PPP6R2: variants seen among roughly 807,000 people sequenced by gnomAD.
PPP6R2 encodes serine/threonine-protein phosphatase 6 regulatory subunit 2.
PPP6R2 carries 62 observed loss-of-function variants against 100.2 expected under a neutral mutation model. That is an observed-to-expected ratio of 0.62 (90% CI 0.50 to 0.76). PPP6R2 has a LOEUF of 0.76. PPP6R2 is among the 30% of genes least tolerant of loss of function. The pLI, the probability that PPP6R2 is intolerant of heterozygous loss-of-function variation, is 0.00. For synonymous variants in PPP6R2, 525 were observed against 514.7 expected (o/e 1.02, Z -0.27); for missense variants, 1,142 against 1,276.3 (o/e 0.89, Z 1.60).
chr22:50,381,108 T>A (rs2052816139), intron 2 of PPP6R2, among the ~76,000 whole-genome samples: 1 of 140,622 alleles, frequency 7.1e-6, no homozygotes, highest in African/African-American at 2.8e-5. Flanking sequence ...GAATGAAACT[T>A]TGTCTCAAAA....
intron 1 of PPP6R2, among the ~76,000 whole-genome samples, chr22:50,350,735 C>T (rs2044897916): frequency 6.6e-6 from 1 of 151,080 alleles, no homozygotes; most frequent in African/African-American, 2.4e-5. Flanking sequence ...GTCTCAGCTA[C>T]TTGGGAGGCT....
chr22:50,424,449 AACGTCTGTCAGCGTGTGGAAG>A (rs2061769172), intron 10 of PPP6R2, among the ~76,000 whole-genome samples: 1 of 97,608 alleles, frequency 1.0e-5, no homozygotes, highest in Non-Finnish European at 2.1e-5. Flanking sequence ...CCGCGTGTGG[AACGTCTGTCAGCGTGTGGAAG>A]GTCCGTCCGC....
chr22:50,362,319 G>A (rs1602322103), intron 1 of PPP6R2, among the ~76,000 whole-genome samples: 1 of 152,224 alleles, frequency 6.6e-6, no homozygotes. Context: ...TGAGCCTGGC[G>A]TGGGCCTGAC....
chr22:50,396,915 C>A (rs1457668058), intron 3 of PPP6R2, among the ~76,000 whole-genome samples: 1 of 152,164 alleles, frequency 6.6e-6, no homozygotes, highest in African/African-American at 2.4e-5. Context: ...GTCACACCTG[C>A]TGTGTCAGCA....
At chr22:50,440,191 A>G in intron 21 of PPP6R2, 142 bp downstream of exon 21, 1 of 791,832 alleles carries the variant, frequency 1.3e-6, no homozygotes, top group Non-Finnish European at 2.0e-6. Flanking sequence ...GGGGTTTGAT[A>G]CAGCAATGGG....
At chr22:50,396,162 C>T (rs1287665438) in intron 3 of PPP6R2, among the ~76,000 whole-genome samples, 2 of 147,004 alleles carry the variant, frequency 1.4e-5, no homozygotes, top group African/African-American at 5.1e-5. Flanking sequence ...CGCCATTGCA[C>T]TCCAGCCTGG....
At chr22:50,333,482 G>A in the PPP6R2 span, among the ~76,000 whole-genome samples, 30 of 151,934 alleles carry the variant, frequency 2.0e-4, no homozygotes, top group African/African-American at 4.3e-4. Context: ...GACTACAGGC[G>A]CCTGCCACCA....
chr22:50,351,836 C>T (rs2045349211), intron 1 of PPP6R2, among the ~76,000 whole-genome samples: 1 of 151,866 alleles, frequency 6.6e-6, no homozygotes, highest in Non-Finnish European at 1.5e-5. Context: ...CTCTGTCACC[C>T]AGTCTGGAGT....
At chr22:50,395,144 C>T (rs1336319194) in intron 3 of PPP6R2, among the ~76,000 whole-genome samples, 1 of 152,186 alleles carries the variant, frequency 6.6e-6, no homozygotes, top group Non-Finnish European at 1.5e-5. Flanking sequence ...TATGCAGTAT[C>T]TGACCTACAG....
At chr22:50,349,807 C>T (rs534563159) in intron 1 of PPP6R2, among the ~76,000 whole-genome samples, 67 of 140,220 alleles carry the variant, frequency 4.8e-4, no homozygotes, top group Non-Finnish European at 8.1e-4. Context: ...AAGAGTGAAA[C>T]TCCATCTTAA....
At chr22:50,330,901 A>G in the PPP6R2 span, among the ~76,000 whole-genome samples, 1 of 152,122 alleles carries the variant, frequency 6.6e-6, no homozygotes, top group Non-Finnish European at 1.5e-5. Context: ...AAAGGCAAGG[A>G]CATAGATTTT....
chr22:50,405,612 AG>A (rs2058759000), intron 3 of PPP6R2, among the ~76,000 whole-genome samples: 1 of 71,060 alleles, frequency 1.4e-5, no homozygotes, highest in African/African-American at 5.4e-5. Flanking sequence ...AGGCCTGGAG[AG>A]AAGTGAGAGG....
chr22:50,439,294 G>A (rs2065070670), intron 19 of PPP6R2, among the ~76,000 whole-genome samples: 1 of 152,154 alleles, frequency 6.6e-6, no homozygotes, highest in Non-Finnish European at 1.5e-5. Context: ...CCCTGGGGAA[G>A]CAGGAACATC....
intron 19 of PPP6R2, among the ~76,000 whole-genome samples, 183 bp downstream of exon 19, chr22:50,438,945 C>G (rs1027635496): frequency 6.6e-6 from 1 of 152,216 alleles, no homozygotes; most frequent in African/African-American, 2.4e-5. Flanking sequence ...CTGTGCCCAG[C>G]GCAAGGTGGC....
intron 3 of PPP6R2, among the ~76,000 whole-genome samples, chr22:50,402,122 T>C (rs999417595): frequency 3.9e-5 from 6 of 152,008 alleles, no homozygotes; most frequent in African/African-American, 1.4e-4. Flanking sequence ...AGCACCACGC[T>C]TCTTTCATAA....
At chr22:50,379,327 C>T (rs770346783) in intron 2 of PPP6R2, among the ~76,000 whole-genome samples, 1 of 151,822 alleles carries the variant, frequency 6.6e-6, no homozygotes. Context: ...GAAACCCCGT[C>T]TCTACAAAAA....
chr22:50,417,814 C>A (rs1245408236), intron 6 of PPP6R2, among the ~76,000 whole-genome samples: 1 of 152,230 alleles, frequency 6.6e-6, no homozygotes, highest in African/African-American at 2.4e-5. Flanking sequence ...AAAGGCAGAC[C>A]TGAGAGCTAA....
intron 19 of PPP6R2, among the ~76,000 whole-genome samples, chr22:50,439,423 ACT>A (rs2065104292): frequency 6.6e-6 from 1 of 152,062 alleles, no homozygotes; most frequent in African/African-American, 2.4e-5. Flanking sequence ...TCACCTCCAC[ACT>A]GTCAGTGTCA....
chr22:50,389,894 T>G (rs1423018328), intron 2 of PPP6R2, among the ~76,000 whole-genome samples: 1 of 151,958 alleles, frequency 6.6e-6, no homozygotes, highest in East Asian at 1.9e-4. Context: ...CAGCCTGATG[T>G]GATCATTTTT....
Sources: allele counts gnomAD v4.1 joint callset (sites outside exome capture counted in the v4.1 genomes callset), GRCh38; gene constraint gnomAD v4.1.1; transcripts MANE v1.5; gene names NCBI Gene and HGNC (gene_info 2026-07-23, HGNC 2026-07-21).